The following ZWINT variants were observed in gnomAD, a reference collection of about 807,000 sequenced individuals.
ZWINT encodes ZW10 interacting kinetochore protein.
In ZWINT, 41 loss-of-function variants were observed where a neutral mutation model predicts 41.5. The ratio of observed to expected loss-of-function variants is 0.99; its 90% CI spans 0.77 to 1.28. ZWINT has a LOEUF of 1.28. ZWINT is among the 50% of genes most tolerant of loss of function. ZWINT has a pLI of 0.00. For missense variants in ZWINT, 369 were observed against 329.7 expected (o/e 1.12, Z -0.92); for synonymous variants, 132 against 126.8 (o/e 1.04, Z -0.28).
chr10:56,359,725 T>G lies in ZWINT; in HGVS notation c.385A>C (p.Thr129Pro). The G allele has an allele frequency of 6.2e-7, 1 of 1,614,144 alleles. No individual in the cohort carries two copies. Among genetic ancestry groups the G allele is most frequent in the Non-Finnish European group, 8.5e-7 (1 of 1,180,010 alleles). Residue 129 changes from threonine to proline, a missense_variant, in exon 4 of 9, where the codon ACA becomes CCA. Physicochemically the swap from Thr to Pro is conservative, Grantham distance 38 (BLOSUM62 -1). Coordinates refer to ENST00000373944, the MANE Select transcript of ZWINT (RefSeq NM_007057.4). ...TQMEEAQRKR[T>P]QLREAFEQLQ... The stretch of plus-strand genomic sequence containing the variant: ...TGCTCAAAGGCTTCCCGGAGTTGTG[T>G]CCGTTTCCTCTGGGCTTCCTCCATC...
In ZWINT at chr10:56,358,095, G is replaced by A. The variant is rs539272255; in HGVS notation, c.*132C>T. 9.5e-6 allele frequency: 6 copies of A among 631,790 alleles called. No individual in the cohort carries two copies. The highest frequency in any genetic ancestry group is 5.5e-5 in the South Asian group (4 of 72,468). The allele number at this position is 631,790 out of a possible 1,614,324, so 39.1% of individuals were successfully genotyped here. The stretch of plus-strand genomic sequence containing the variant: ...GGGATTTTAATCCACAGATGCCAGA[G>A]CTTGCTGGGATGTAGTCAGAAATCA... On this transcript the variant is annotated 3_prime_UTR_variant, in exon 9 of 9. Coordinates refer to ENST00000373944, the MANE Select transcript of ZWINT (RefSeq NM_007057.4).
At chr10:56,358,525 C>A (rs749385443) in intron 7 of ZWINT, 31 bp downstream of exon 7, 51 of 1,613,792 alleles carry the variant, frequency 3.2e-5, no homozygotes, top group Non-Finnish European at 3.8e-5. Context: ...CACCTGCCAG[C>A]CCATGCCCAC....
chr10:56,359,764 T>C lies in ZWINT; in HGVS notation c.346A>G (p.Lys116Glu), dbSNP rs779292327. ...GCTTCCTCCATCTGAGTCAGGGCCTTGGTGAGGCCAATTTTGATGGCCTCT... is the reference window on the plus strand; with the variant it reads ...GCTTCCTCCATCTGAGTCAGGGCCTCGGTGAGGCCAATTTTGATGGCCTCT... The part of the protein sequence containing the change: ...HVEAIKIGLT[K>E]ALTQMEEAQR... Residue 116 changes from lysine to glutamate, a missense_variant, in exon 4 of 9, where the codon AAG becomes GAG. Lys to Glu is a moderately conservative substitution (Grantham distance 56, BLOSUM62 1). Transcript: ENST00000373944. The C allele has an allele frequency of 1.9e-6, 3 of 1,614,152 alleles. No individual in the cohort carries two copies. The highest frequency in any genetic ancestry group is 2.5e-6 in the Non-Finnish European group (3 of 1,180,024).
rs549321354 is a variant in ZWINT at position 56,360,046 on chromosome 10, G to A, written c.228C>T (p.Leu76=). 2.0e-4 allele frequency: 316 copies of A among 1,614,012 alleles called. 1 individual carries two copies. The South Asian group carries it at 3.1e-3, about 16-fold the overall frequency. ...TCGTGTCTTCAGAAGCCAAGGGGTC[G>A]AGACCCTTAGCAGTGTCCTCCTGAG... ...ILAQEDTAKG[L]DPLASEDTSR... Residue 76 remains leucine, a synonymous_variant, in exon 3 of 9, where the codon CTC becomes CTT. Coordinates refer to ENST00000373944, the MANE Select transcript of ZWINT (RefSeq NM_007057.4).
At position 56,359,230 on chromosome 10, in the gene ZWINT, AATC is replaced by A. The variant is rs570469710; in HGVS notation, c.480+243_480+245del. ...AAAGTCCTTGCTGTAATGATCATTT[AATC>A]ATCTTAATAACTCTCTAGAGTAGGT... On this transcript the variant is annotated intron_variant, in intron 5 of 8. Coordinates refer to ENST00000373944, the MANE Select transcript of ZWINT (RefSeq NM_007057.4). 3.9e-5 allele frequency among the ~76,000 whole-genome samples: 6 copies of A among 152,280 alleles called. No homozygotes were observed. In the East Asian group the frequency reaches 1.2e-3, roughly 29 times the overall value.
intron 1 of ZWINT, 114 bp downstream of exon 1, chr10:56,361,082 G>T: frequency 8.4e-7 from 1 of 1,189,956 alleles, no homozygotes; most frequent in Non-Finnish European, 1.2e-6. Context: ...TCACTTCACG[G>T]CAGGGTCGAA....
At chr10:56,361,135 T>A in intron 1 of ZWINT, 61 bp downstream of exon 1, 1 of 1,593,330 alleles carries the variant, frequency 6.3e-7, no homozygotes, top group Non-Finnish European at 8.6e-7. Flanking sequence ...TCATTACACA[T>A]AGGGGCCCAC....
rs1838212683 is a variant in ZWINT, at chr10:56,358,077, T to C, written c.*150A>G. The C allele has an allele frequency of 1.7e-6, 1 of 601,270 alleles. No homozygotes were observed. The highest frequency in any genetic ancestry group is 1.4e-5 in the South Asian group (1 of 72,194). 37.2% of individuals were successfully genotyped at this position (601,270 alleles called of 1,614,324 possible). On this transcript the variant is annotated 3_prime_UTR_variant, in exon 9 of 9. Transcript: ENST00000373944. ...ACAACTGAGAGAGATCCAGGGATTT[T>C]AATCCACAGATGCCAGAGCTTGCTG...
Position 56,359,689 on chromosome 10 carries a change from T to C in ZWINT, c.421A>G (p.Lys141Glu), listed in dbSNP as rs1838272981. ...GTACTCAAGACCCCTGGGTGTACCT[T>C]GGCCTGGAGCTGCTCAAAGGCTTCC... ...LREAFEQLQA[K>E]KQMAMEKRRA... The change falls in exon 4 of 9, where the codon AAG (lysine) becomes GAG (glutamate). Residue 141 changes from lysine (K) to glutamate (E), a missense_variant and splice_region_variant. Coordinates refer to ENST00000373944, the MANE Select transcript of ZWINT (RefSeq NM_007057.4). 6.2e-7 allele frequency: 1 copy of C among 1,614,084 alleles called. No individual in the cohort carries two copies. The highest frequency in any genetic ancestry group is 8.5e-7 in the Non-Finnish European group (1 of 1,180,046).
rs1838285162 is a variant in ZWINT at position 56,360,021 on chromosome 10, T to C, written c.253A>G (p.Ser85Gly). Residue 85 changes from serine (S) to glycine (G), a missense_variant, in exon 3 of 9, where the codon AGC (serine) becomes GGC (glycine). Transcript: ENST00000373944. ...CTACAATCCCCTGCCTACTCACGGC[T>C]CGTGTCTTCAGAAGCCAAGGGGTCG... is the stretch of plus-strand genomic sequence containing the variant. ...GLDPLASEDT[S>G]RQKAIAAKEQ... The C allele has an allele frequency of 6.2e-7, 1 of 1,613,998 alleles. No individual in the cohort carries two copies. Among genetic ancestry groups the C allele is most frequent in the Non-Finnish European group, 8.5e-7 (1 of 1,179,988 alleles).
rs1217812227 is a variant in ZWINT, at chr10:56,358,391, T to C, written c.*27A>G. 4 of 1,614,112 alleles carry C rather than the reference T, an allele frequency of 2.5e-6. No individual in the cohort carries two copies. Among genetic ancestry groups the C allele is most frequent in the East Asian group, 4.5e-5 (2 of 44,876 alleles). On this transcript the variant is annotated 3_prime_UTR_variant, in exon 8 of 9. Coordinates refer to ENST00000373944, the MANE Select transcript of ZWINT (RefSeq NM_007057.4). The stretch of plus-strand genomic sequence containing the variant: ...TTGGGTCTGACCTTTTCTAGGATCT[T>C]TCTCCATGCTGCTGTCCTCCAGGAA...
chr10:56,359,056 A>T, intron 5 of ZWINT, 109 bp from the exon 6 acceptor site: 5 of 1,315,570 alleles, frequency 3.8e-6, no homozygotes, highest in Non-Finnish European at 5.2e-6. Context: ...CAATGATGAA[A>T]AGAGGGACTC....
In ZWINT at chr10:56,359,517, C is replaced by A; in HGVS notation, c.439G>T (p.Glu147Ter). The change falls in exon 5 of 9, where the codon GAG becomes TAG. Residue 147 changes from glutamate (E) to a stop codon, truncating the protein, a stop_gained. Coordinates refer to ENST00000373944, the MANE Select transcript of ZWINT (RefSeq NM_007057.4). LOFTEE classifies it high-confidence loss of function. Reference sequence around the variant, plus strand: ...TGGTTCTGGACTGCTCTGCGTTTCTCCATGGCCATTTGTTTCTACAGATAA... The same window carrying A: ...TGGTTCTGGACTGCTCTGCGTTTCTACATGGCCATTTGTTTCTACAGATAA... ...QLQAKKQMAM[E>*]KRRAVQNQWQ... 1 of 1,554,498 alleles carries A rather than the reference C, an allele frequency of 6.4e-7. No homozygotes were observed.
rs1838273082 is a variant in ZWINT, at chr10:56,359,691, G to C, written c.419C>G (p.Ala140Gly). ...ACTCAAGACCCCTGGGTGTACCTTG[G>C]CCTGGAGCTGCTCAAAGGCTTCCCG... is the stretch of plus-strand genomic sequence containing the variant. ...QLREAFEQLQ[A>G]KKQMAMEKRR... The change falls in exon 4 of 9, where the codon GCC becomes GGC. Residue 140 changes from alanine (A) to glycine (G), a missense_variant. Transcript: ENST00000373944. 2 of 1,614,090 alleles carry C rather than the reference G, an allele frequency of 1.2e-6. No individual in the cohort carries two copies. Among genetic ancestry groups the C allele is most frequent in the Non-Finnish European group, 8.5e-7 (1 of 1,180,028 alleles).
Position 56,360,300 on chromosome 10 carries a change from A to G in ZWINT, c.125T>C (p.Phe42Ser). The part of the protein sequence containing the change: ...AELPAKILVE[F>S]VVDSQKKDKL... ...CTCTCATCTTGTACATACCACCACA[A>G]ACTCAACCAGGATCTTGGCTGGCAG... The change falls in exon 2 of 9, where the codon TTT (phenylalanine) becomes TCT (serine). Residue 42 changes from phenylalanine to serine, a missense_variant. Transcript: ENST00000373944. 1 of 1,614,056 alleles carries G rather than the reference A, an allele frequency of 6.2e-7. No homozygotes were observed. The highest frequency in any genetic ancestry group is 8.5e-7 in the Non-Finnish European group (1 of 1,179,988).
rs1464668747 is a variant in ZWINT, at chr10:56,358,575, T to A, written c.773A>T (p.Asp258Val). ...ATTTACCTTGAAGGACACACCAGGG[T>A]CTCTCCCCATGGTGTCTCCTGTACT... ...EQSTGDTMGR[D>V]PGVSFKAVGL... Residue 258 changes from aspartate (D) to valine (V), a missense_variant, in exon 7 of 9, where the codon GAC (aspartate) becomes GTC (valine). Asp to Val is a radical substitution (Grantham distance 152). Coordinates refer to ENST00000373944, the MANE Select transcript of ZWINT (RefSeq NM_007057.4). 1 of 1,613,950 alleles carries A rather than the reference T, an allele frequency of 6.2e-7. No individual in the cohort carries two copies. Among genetic ancestry groups the A allele is most frequent in the South Asian group, 1.1e-5 (1 of 91,062 alleles).
At position 56,360,337 on chromosome 10, in the gene ZWINT, C is replaced by T. The variant is rs780802886; in HGVS notation, c.88G>A (p.Glu30Lys). Reference sequence around the variant, plus strand: ...ATCTTGGCTGGCAGTTCTGCCTCCTCCTGCAGGCCTACAGGTTCCAAGATG... The same window carrying T: ...ATCTTGGCTGGCAGTTCTGCCTCCTTCTGCAGGCCTACAGGTTCCAAGATG... Reference protein sequence around the residue: ...AGILEPVGLQEEAELPAKILV... With the variant: ...AGILEPVGLQKEAELPAKILV... Residue 30 changes from glutamate (E) to lysine (K), a missense_variant, in exon 2 of 9, where the codon GAG (glutamate) becomes AAG (lysine). Physicochemically the swap from Glu to Lys is moderately conservative, Grantham distance 56. Transcript: ENST00000373944. 1.9e-6 allele frequency: 3 copies of T among 1,614,066 alleles called. No individual in the cohort carries two copies. Among genetic ancestry groups the T allele is most frequent in the Non-Finnish European group, 2.5e-6 (3 of 1,180,026 alleles).
At chr10:56,359,946 G>A (rs572481562) in intron 3 of ZWINT, 72 bp downstream of exon 3, 8 of 1,606,370 alleles carry the variant, frequency 5.0e-6, no homozygotes, top group South Asian at 3.3e-5. Flanking sequence ...TCAGCCAAAT[G>A]GGAGACCTAA....
intron 8 of ZWINT, 33 bp from the exon 9 acceptor site, chr10:56,358,218 G>T: frequency 1.3e-6 from 1 of 795,076 alleles, no homozygotes; most frequent in Non-Finnish European, 2.3e-6. Flanking sequence ...GCTCTGGGTG[G>T]GCTAAGCATG....
Sources: gnomAD v4.1 joint callset for allele counts (sites outside exome capture counted in the v4.1 genomes callset) on GRCh38, gnomAD v4.1.1 for gene constraint, MANE v1.5 for transcripts, NCBI Gene and HGNC (gene_info 2026-07-23, HGNC 2026-07-21) for gene names.